Variants in AHI1 observed in about 807,000 individuals in gnomAD.
The protein encoded by AHI1 is Abelson helper integration site 1.
AHI1 carries 123 observed loss-of-function variants against 149.3 expected under a neutral mutation model. That is an observed-to-expected ratio of 0.82 (90% CI 0.71 to 0.96). The LOEUF (loss-of-function observed/expected upper bound fraction) is 0.96. Among genes scored for constraint, AHI1 ranks in the 40% least tolerant of loss-of-function variants. The pLI, the probability that AHI1 is intolerant of heterozygous loss-of-function variation, is 0.00. For synonymous variants in AHI1, 475 were observed against 459.8 expected, an observed-to-expected ratio of 1.03 and a Z score of -0.42; for missense variants, 1,439 against 1,422.7, an observed-to-expected ratio of 1.01 and a Z score of -0.18.
chr6:135,462,502 A>G (rs1790063239), intron 8 of AHI1, among the ~76,000 whole-genome samples: 1 of 150,954 alleles, frequency 6.6e-6, no homozygotes, highest in Non-Finnish European at 1.5e-5. Context: ...CTGAGTCCTA[A>G]CCATTTAGAG....
intron 25 of AHI1, among the ~76,000 whole-genome samples, chr6:135,319,173 G>C (rs1293502743): frequency 6.6e-6 from 1 of 152,224 alleles, no homozygotes; most frequent in Admixed American, 6.5e-5. Flanking sequence ...GATTTTACCA[G>C]TCAGAGGTAC....
intron 27 of AHI1, among the ~76,000 whole-genome samples, chr6:135,299,963 CT>C (rs1434644332): frequency 6.6e-6 from 1 of 152,090 alleles, no homozygotes; most frequent in Non-Finnish European, 1.5e-5. Flanking sequence ...TTGTGTGATA[CT>C]AGTTTAATAG....
At chr6:135,360,317 T>C (rs1485480583) in intron 23 of AHI1, among the ~76,000 whole-genome samples, 5 of 152,226 alleles carry the variant, frequency 3.3e-5, no homozygotes, top group East Asian at 1.9e-4. Context: ...AGGTTTTAGA[T>C]GGAATTAACA....
intron 26 of AHI1, chr6:135,302,181 T>C: frequency 1.0e-6 from 1 of 985,258 alleles, no homozygotes; most frequent in Non-Finnish European, 1.2e-6. Context: ...CTCAGTATCA[T>C]TTTTCTCTCT....
intron 5 of AHI1, among the ~76,000 whole-genome samples, chr6:135,471,460 T>C (rs1186412005): frequency 6.6e-6 from 1 of 152,228 alleles, no homozygotes; most frequent in Non-Finnish European, 1.5e-5. Flanking sequence ...AACAGCTTTA[T>C]GGGATAAATT....
rs777215595 is a variant in AHI1 at position 135,394,853 on chromosome 6, G to C, written c.3032C>G (p.Ser1011Ter). The C allele has an allele frequency of 2.4e-5, 39 of 1,605,278 alleles. No homozygotes were observed. Among genetic ancestry groups the C allele is most frequent in the Middle Eastern group, 1.6e-4 (1 of 6,064 alleles). ...LSFTSPPAVS[S>*]QQSKLKQSNM... ...TGACTGCTTTAACTTAGACTGTTGT[G>C]AGGAAACTGCTGGTGGTGAAGTAAA... Residue 1011 changes from serine to a stop codon, truncating the protein, a stop_gained, in exon 23 of 29, where the codon TCA becomes TGA. Coordinates refer to ENST00000265602, the MANE Select transcript of AHI1 (RefSeq NM_001134831.2). LOFTEE classifies it high-confidence loss of function.
intron 21 of AHI1, among the ~76,000 whole-genome samples, chr6:135,410,886 A>T (rs1472805727): frequency 6.6e-6 from 1 of 152,206 alleles, no homozygotes; most frequent in African/African-American, 2.4e-5. Flanking sequence ...TTTGTCACCC[A>T]GGCTGGAGTG....
At chr6:135,394,375 T>C (rs1187645527) in intron 23 of AHI1, among the ~76,000 whole-genome samples, 6 of 152,086 alleles carry the variant, frequency 3.9e-5, no homozygotes, top group Admixed American at 1.3e-4. Context: ...GGATGTGATA[T>C]CACTACAGGT....
chr6:135,294,872 G>A (rs1782886751), intron 27 of AHI1, among the ~76,000 whole-genome samples: 1 of 152,002 alleles, frequency 6.6e-6, no homozygotes, highest in Non-Finnish European at 1.5e-5. Flanking sequence ...TGGGTTGGCA[G>A]AGGTTTCTTA....
At chr6:135,304,228 T>A (rs887242022) in intron 26 of AHI1, among the ~76,000 whole-genome samples, 1 of 152,064 alleles carries the variant, frequency 6.6e-6, no homozygotes, top group Non-Finnish European at 1.5e-5. Flanking sequence ...TTTTTTTGAT[T>A]TTTTAGTAGA....
chr6:135,486,678 T>C (rs1794525668), intron 5 of AHI1, among the ~76,000 whole-genome samples: 1 of 152,210 alleles, frequency 6.6e-6, no homozygotes, highest in Admixed American at 6.5e-5. Context: ...CAACTGTCTA[T>C]ATTTTTGCAC....
At chr6:135,373,092 C>T (rs1775310886) in intron 23 of AHI1, among the ~76,000 whole-genome samples, 1 of 152,190 alleles carries the variant, frequency 6.6e-6, no homozygotes, top group Admixed American at 6.5e-5. Flanking sequence ...TTTTAAAAAA[C>T]GTTAATTTAC....
intron 23 of AHI1, among the ~76,000 whole-genome samples, chr6:135,393,095 T>C (rs1030855179): frequency 6.6e-6 from 1 of 152,100 alleles, no homozygotes; most frequent in African/African-American, 2.4e-5. Flanking sequence ...ATCCCTCTTA[T>C]GGCCTACATG....
chr6:135,324,045 C>G (rs1231189898), intron 24 of AHI1, among the ~76,000 whole-genome samples: 1 of 152,144 alleles, frequency 6.6e-6, no homozygotes, highest in Admixed American at 6.5e-5. Context: ...CTTGGCTGGG[C>G]ATGGTGGCTC....
At chr6:135,325,149 C>T (rs1159770971) in intron 24 of AHI1, among the ~76,000 whole-genome samples, 4 of 151,988 alleles carry the variant, frequency 2.6e-5, no homozygotes, top group African/African-American at 7.3e-5. Flanking sequence ...GCCTCAGCCT[C>T]CTGAGTAGTT....
intron 3 of AHI1, chr6:135,492,998 G>A (rs1795470711): frequency 1.0e-6 from 1 of 964,578 alleles, no homozygotes; most frequent in Non-Finnish European, 1.2e-6. Flanking sequence ...AAAAAAGCTG[G>A]TTCAGGAATT....
chr6:135,444,761 G>A (rs779067467), intron 13 of AHI1, among the ~76,000 whole-genome samples: 2 of 152,208 alleles, frequency 1.3e-5, no homozygotes, highest in East Asian at 1.9e-4. Context: ...ATTTTCGTAA[G>A]TGCCTCTGCT....
Position 135,457,783 on chromosome 6 carries a change from A to T in AHI1, c.932-70T>A, listed in dbSNP as rs544902561. 2,953 of 1,377,980 alleles carry T rather than the reference A, an allele frequency of 2.1e-3. 15 individuals are homozygous for T. The highest frequency in any genetic ancestry group is 8.5e-3 in the Middle Eastern group (47 of 5,550). The allele number at this position is 1,377,980 out of a possible 1,614,324, so 85.4% of individuals were successfully genotyped here. A position where few individuals can be genotyped will look rare whatever the true frequency, so the allele number is the denominator to read the frequency against. On this transcript the variant is annotated intron_variant, in intron 8 of 28. Transcript: ENST00000265602. ...CATAGTAGTATTTACATATAACCTA[A>T]TCTTTAAGATCTGTGATGATCTCAC...
chr6:135,395,016 G>A, intron 22 of AHI1, 120 bp from the exon 23 acceptor site: 1 of 948,516 alleles, frequency 1.1e-6, no homozygotes, highest in Non-Finnish European at 1.5e-6. Flanking sequence ...CAAAAGGAGT[G>A]GTAATGATGT....
Sources: gnomAD v4.1 joint callset for allele counts (sites outside exome capture counted in the v4.1 genomes callset) on GRCh38, gnomAD v4.1.1 for gene constraint, MANE v1.5 for transcripts, NCBI Gene and HGNC (gene_info 2026-07-23, HGNC 2026-07-21) for gene names.